The following PYROXD2 variants were observed in gnomAD, a reference collection of about 807,000 sequenced individuals.
PYROXD2 encodes the protein pyridine nucleotide-disulfide oxidoreductase domain-containing protein 2.
PYROXD2 carries 69 observed loss-of-function variants against 71.1 expected under a neutral mutation model. That is an observed-to-expected ratio of 0.97 (90% CI 0.80 to 1.19). PYROXD2 has a LOEUF of 1.19. Ranked by LOEUF, PYROXD2 falls within the 50% of genes most tolerant of loss-of-function variation. The pLI is 0.00. For missense variants in PYROXD2, 745 were observed against 748.9 expected, an observed-to-expected ratio of 0.99 and a Z score of 0.06; for synonymous variants, 287 against 302.7, an observed-to-expected ratio of 0.95 and a Z score of 0.54.
At position 98,384,596 on chromosome 10, in the gene PYROXD2, C is replaced by T. The variant is rs776585967; in HGVS notation, c.1675+351G>A. Among the ~76,000 whole-genome samples, 17 of 152,224 alleles carry T rather than the reference C, an allele frequency of 1.1e-4. 1 individual carries two copies. Among genetic ancestry groups the T allele is most frequent in the Non-Finnish European group, 1.6e-4 (11 of 68,020 alleles). Reference sequence around the variant, plus strand: ...CATACCACTGCACCTCCAGCCTAGGCGATAGCGTGAAGCCCTGTCTAAATA... The same window carrying T: ...CATACCACTGCACCTCCAGCCTAGGTGATAGCGTGAAGCCCTGTCTAAATA... On this transcript the variant is annotated intron_variant, in intron 15 of 15. Transcript: ENST00000370575.
intron 12 of PYROXD2, among the ~76,000 whole-genome samples, chr10:98,389,783 GTTGA>G (rs1443860773): frequency 6.6e-6 from 1 of 152,142 alleles, no homozygotes; most frequent in East Asian, 1.9e-4. Context: ...GTGCTTACTT[GTTGA>G]TTGTCTTCCT....
At chr10:98,394,334 T>G (rs575735513) in intron 8 of PYROXD2, among the ~76,000 whole-genome samples, 1 of 152,318 alleles carries the variant, frequency 6.6e-6, no homozygotes, top group East Asian at 1.9e-4. Flanking sequence ...GATCACAGCT[T>G]GGCCAATGTG....
chr10:98,391,394 C>T (rs979735265), intron 10 of PYROXD2, among the ~76,000 whole-genome samples: 4 of 152,156 alleles, frequency 2.6e-5, no homozygotes, highest in African/African-American at 4.8e-5. Flanking sequence ...GAAGCCTCGA[C>T]GATCTCAGAA....
chr10:98,407,905 T>C lies in PYROXD2; in HGVS notation c.240A>G (p.Pro80=), dbSNP rs140132837. The change falls in exon 3 of 16, where the codon CCA becomes CCG. Residue 80 remains proline (P), a splice_region_variant and synonymous_variant. Coordinates refer to ENST00000370575, the MANE Select transcript of PYROXD2 (RefSeq NM_032709.3). ...GGAAVTEEII[P]GFKFSRASYL... is the part of the protein sequence containing the mutation. ...CCCCCATGCCACATCAGAGCTCACCTGGGATGATCTCCTCAGTGACAGCTG... is the reference window on the plus strand; with the variant it reads ...CCCCCATGCCACATCAGAGCTCACCCGGGATGATCTCCTCAGTGACAGCTG... 70 of 1,605,720 alleles carry C rather than the reference T, an allele frequency of 4.4e-5. No homozygotes were observed. In the African/African-American group the frequency reaches 8.3e-4, roughly 19 times the overall value.
chr10:98,402,010 A>T (rs535416372), intron 4 of PYROXD2, among the ~76,000 whole-genome samples: 1 of 152,348 alleles, frequency 6.6e-6, no homozygotes, highest in South Asian at 2.1e-4. Context: ...TACTGTATAT[A>T]ATTATATGTA....
At chr10:98,392,094 T>A (rs1347227705) in intron 10 of PYROXD2, among the ~76,000 whole-genome samples, 1 of 152,156 alleles carries the variant, frequency 6.6e-6, no homozygotes, top group Non-Finnish European at 1.5e-5. Flanking sequence ...ATATAACAGA[T>A]CATTGACAAA....
At chr10:98,390,390 AGC>A (rs1282495325) in intron 12 of PYROXD2, among the ~76,000 whole-genome samples, 6 of 151,860 alleles carry the variant, frequency 4.0e-5, no homozygotes, top group Non-Finnish European at 8.8e-5. Context: ...TGCTAACCTG[AGC>A]CGCTCTTCAC....
At chr10:98,398,675 C>T (rs1463314993) in intron 5 of PYROXD2, among the ~76,000 whole-genome samples, 10 of 152,150 alleles carry the variant, frequency 6.6e-5, no homozygotes, top group Non-Finnish European at 1.0e-4. Context: ...CGTGTGTGGT[C>T]GCTGGCATGT....
chr10:98,411,015 G>A, intron 1 of PYROXD2, 57 bp from the exon 2 acceptor site: 1 of 1,552,084 alleles, frequency 6.4e-7, no homozygotes, highest in Non-Finnish European at 8.7e-7. Flanking sequence ...CGGGCAGACA[G>A]ACAGTCCTTG....
At chr10:98,387,180 A>AC in intron 14 of PYROXD2, 21 bp downstream of exon 14, 1 of 1,571,264 alleles carries the variant, frequency 6.4e-7, no homozygotes, top group African/African-American at 1.4e-5. Flanking sequence ...ATGGTGAGAG[A>AC]CCCCCTAGGC....
In PYROXD2 at chr10:98,388,359, T is replaced by G. The variant is rs746662718; in HGVS notation, c.1442A>C (p.Asp481Ala). 3.4e-5 allele frequency: 55 copies of G among 1,613,734 alleles called. No individual in the cohort carries two copies. Among genetic ancestry groups the G allele is most frequent in the Non-Finnish European group, 4.4e-5 (52 of 1,179,964 alleles). ...GAACGTGCAGCTGTCTTTACCTCTG[T>G]CTGCATAAGCGTCTCTCTCCTGCTC... ...WDEQERDAYA[D>A]RVFDCIEVYA... Residue 481 changes from aspartate to alanine, a missense_variant, in exon 13 of 16, where the codon GAC becomes GCC. Physicochemically the swap from Asp to Ala is moderately radical, Grantham distance 126. Transcript: ENST00000370575.
chr10:98,400,907 T>C (rs1464134684), intron 4 of PYROXD2, among the ~76,000 whole-genome samples: 1 of 152,190 alleles, frequency 6.6e-6, no homozygotes, highest in East Asian at 1.9e-4. Context: ...CTGCACAGAA[T>C]GTTACTGCAC....
chr10:98,400,762 G>A (rs1014255047), intron 4 of PYROXD2, among the ~76,000 whole-genome samples: 3 of 152,202 alleles, frequency 2.0e-5, no homozygotes, highest in African/African-American at 4.8e-5. Flanking sequence ...ATCACTTAAC[G>A]ATGGGGATAT....
chr10:98,384,798 A>G (rs959706673), intron 15 of PYROXD2, 149 bp downstream of exon 15: 2 of 1,232,858 alleles, frequency 1.6e-6, no homozygotes, highest in African/African-American at 3.1e-5. Context: ...TGCATGGATA[A>G]TTCTGAACAC....
intron 1 of PYROXD2, among the ~76,000 whole-genome samples, chr10:98,412,332 C>T (rs1224358832): frequency 6.6e-6 from 1 of 152,158 alleles, no homozygotes; most frequent in Non-Finnish European, 1.5e-5. Flanking sequence ...ACCTCTGTTC[C>T]CTTGAAGAGG....
rs1399925080 is a variant in PYROXD2, at chr10:98,415,170, T to TTTGC, written c.-39_-36dup. On this transcript the variant is annotated 5_prime_UTR_variant, in exon 1 of 16. Transcript: ENST00000370575. ...AGGCTGGGCCTTGCTAGGCAGGGAG[T>TTTGC]TTGCTAGCGATTGGCTTTTGTGCTG... The TTTGC allele has an allele frequency of 6.2e-6, 10 of 1,603,290 alleles. No homozygotes were observed. The highest frequency in any genetic ancestry group is 8.5e-6 in the Non-Finnish European group (10 of 1,175,982).
At chr10:98,392,296 C>T in intron 10 of PYROXD2, 136 bp downstream of exon 10, 4 of 1,418,540 alleles carry the variant, frequency 2.8e-6, no homozygotes, top group Non-Finnish European at 3.8e-6. Context: ...CTGCCCTTAC[C>T]CCCCTGTTTC....
chr10:98,407,523 G>A (rs1843639082), intron 4 of PYROXD2, 59 bp downstream of exon 4: 2 of 1,598,788 alleles, frequency 1.3e-6, no homozygotes, highest in Non-Finnish European at 1.7e-6. Flanking sequence ...CCCCACACAG[G>A]TTGGGAAGAT....
At chr10:98,398,222 C>T (rs979842891) in intron 5 of PYROXD2, among the ~76,000 whole-genome samples, 30 of 152,170 alleles carry the variant, frequency 2.0e-4, no homozygotes, top group African/African-American at 7.2e-4. Flanking sequence ...AGAAGTTAGA[C>T]CTCTTTGCCT....
Sources: allele counts gnomAD v4.1 joint callset (sites outside exome capture counted in the v4.1 genomes callset), GRCh38; gene constraint gnomAD v4.1.1; transcripts MANE v1.5; gene names NCBI Gene and HGNC (gene_info 2026-07-23, HGNC 2026-07-21).